Variants in RSRC1 observed in about 807,000 individuals in gnomAD.
RSRC1 encodes the protein arginine and serine rich coiled-coil 1.
Under a neutral mutation model 49.1 loss-of-function variants are expected in RSRC1, and 39 were observed. That is an observed-to-expected ratio of 0.79 (90% CI 0.61 to 1.04). The LOEUF is 1.04. Among genes scored for constraint, RSRC1 ranks in the 50% least tolerant of loss-of-function variants. The probability of loss-of-function intolerance (pLI) is 0.00; values close to 1 mark genes in which losing one functional copy is unlikely to be tolerated. For missense variants in RSRC1, 388 were observed against 402.4 expected, an observed-to-expected ratio of 0.96 and a Z score of 0.31; for synonymous variants, 143 against 130.8, an observed-to-expected ratio of 1.09 and a Z score of -0.63.
At chr3:158,516,777 G>T (rs375017419) in intron 7 of RSRC1, among the ~76,000 whole-genome samples, 20 of 152,364 alleles carry the variant, frequency 1.3e-4, no homozygotes, top group South Asian at 4.1e-4. Flanking sequence ...CTCCGAGCCA[G>T]GTGCGGGATA....
At chr3:158,436,022 T>G (rs1198427512) in intron 6 of RSRC1, among the ~76,000 whole-genome samples, 1 of 151,932 alleles carries the variant, frequency 6.6e-6, no homozygotes, top group East Asian at 1.9e-4. Flanking sequence ...TCTAAAACAT[T>G]TAAGTAACAT....
chr3:158,422,520 A>G (rs1413530356), intron 6 of RSRC1, among the ~76,000 whole-genome samples: 18 of 151,012 alleles, frequency 1.2e-4, no homozygotes, highest in African/African-American at 3.9e-4. Context: ...ATTGTGAATA[A>G]TGCTGCAATA....
At chr3:158,197,452 G>C (rs923095663) in intron 3 of RSRC1, among the ~76,000 whole-genome samples, 16 of 152,120 alleles carry the variant, frequency 1.1e-4, no homozygotes, top group African/African-American at 3.9e-4. Context: ...CACAAAAGCA[G>C]CTCCTGATTT....
chr3:158,125,326 CTT>C (rs1338531967), intron 3 of RSRC1, among the ~76,000 whole-genome samples: 3 of 151,520 alleles, frequency 2.0e-5, no homozygotes, highest in East Asian at 1.9e-4. Context: ...TGATATGAGA[CTT>C]TTCTTTTTTT....
At chr3:158,276,794 CT>C (rs1725843926) in intron 4 of RSRC1, among the ~76,000 whole-genome samples, 1 of 152,078 alleles carries the variant, frequency 6.6e-6, no homozygotes, top group East Asian at 1.9e-4. Flanking sequence ...TAACTTATAT[CT>C]GTCATTTGGA....
intron 4 of RSRC1, among the ~76,000 whole-genome samples, chr3:158,283,915 A>G (rs1726336501): frequency 6.6e-6 from 1 of 151,086 alleles, no homozygotes; most frequent in Non-Finnish European, 1.5e-5. Flanking sequence ...TTATACTCTA[A>G]GTTCTAGGGT....
rs1008708435 is a variant in RSRC1, at chr3:158,515,861, G to A, written c.653-21231G>A. Among the ~76,000 whole-genome samples the A allele has an allele frequency of 9.2e-4, 139 of 151,750 alleles. 1 individual carries two copies. Among genetic ancestry groups the A allele is most frequent in the South Asian group, 1.0e-3 (5 of 4,790 alleles). On this transcript the variant is annotated intron_variant, in intron 7 of 9. Coordinates refer to ENST00000611884, the MANE Select transcript of RSRC1 (RefSeq NM_001271838.2). The stretch of plus-strand genomic sequence containing the variant: ...CATTTCATTCATTTCATCTTCCATC[G>A]CTGATACCCTTTCTTCCAGTTGATC...
intron 6 of RSRC1, among the ~76,000 whole-genome samples, chr3:158,384,026 AT>A (rs1206230674): frequency 1.3e-5 from 2 of 152,082 alleles, no homozygotes; most frequent in African/African-American, 4.8e-5. Flanking sequence ...TTTAGAAAAG[AT>A]TTATGACTAG....
intron 6 of RSRC1, among the ~76,000 whole-genome samples, chr3:158,404,237 T>C (rs1388881340): frequency 6.6e-6 from 1 of 151,898 alleles, no homozygotes; most frequent in Non-Finnish European, 1.5e-5. Context: ...TGTGAAGTAC[T>C]TTGAATTTGA....
chr3:158,231,885 A>G (rs1163641066), intron 4 of RSRC1, among the ~76,000 whole-genome samples: 1 of 152,174 alleles, frequency 6.6e-6, no homozygotes, highest in Non-Finnish European at 1.5e-5. Context: ...AATTACTACT[A>G]ACTCTTCAAG....
At chr3:158,389,152 C>T (rs1252541882) in intron 6 of RSRC1, among the ~76,000 whole-genome samples, 1 of 152,100 alleles carries the variant, frequency 6.6e-6, no homozygotes, top group African/African-American at 2.4e-5. Flanking sequence ...TATAATTAAC[C>T]CAGACGTTTT....
At chr3:158,382,058 A>G (rs1047012073) in intron 6 of RSRC1, among the ~76,000 whole-genome samples, 8 of 152,202 alleles carry the variant, frequency 5.3e-5, no homozygotes, top group African/African-American at 1.9e-4. Context: ...AACACATTGA[A>G]CAGCCGTTAA....
chr3:158,453,154 G>C (rs1434194540), intron 6 of RSRC1, among the ~76,000 whole-genome samples: 2 of 151,656 alleles, frequency 1.3e-5, no homozygotes, highest in African/African-American at 4.8e-5. Context: ...TAGGTTGTTT[G>C]CTTTTTTGTC....
intron 3 of RSRC1, among the ~76,000 whole-genome samples, chr3:158,178,958 T>C (rs1719427390): frequency 6.6e-6 from 1 of 152,202 alleles, no homozygotes. Flanking sequence ...TTTGTGCAGA[T>C]AGATGCTATT....
chr3:158,490,379 G>A (rs947847475), intron 7 of RSRC1, among the ~76,000 whole-genome samples: 3 of 152,082 alleles, frequency 2.0e-5, no homozygotes, highest in Non-Finnish European at 2.9e-5. Flanking sequence ...CCACCACGCC[G>A]GGCCCCTTCA....
chr3:158,476,614 A>G (rs1738380252), intron 7 of RSRC1, among the ~76,000 whole-genome samples: 1 of 152,168 alleles, frequency 6.6e-6, no homozygotes, highest in Admixed American at 6.5e-5. Context: ...TGTTTATAGC[A>G]TGGTTTACAG....
At chr3:158,463,686 T>A (rs1164375116) in intron 7 of RSRC1, among the ~76,000 whole-genome samples, 2 of 152,122 alleles carry the variant, frequency 1.3e-5, no homozygotes, top group Non-Finnish European at 2.9e-5. Flanking sequence ...TGCAAATTCA[T>A]TCTATTATGC....
chr3:158,158,587 G>A (rs1280489413), intron 3 of RSRC1, among the ~76,000 whole-genome samples: 1 of 152,120 alleles, frequency 6.6e-6, no homozygotes, highest in Non-Finnish European at 1.5e-5. Flanking sequence ...CTCTGGAAAT[G>A]AGAAACAAAC....
At chr3:158,210,233 G>A (rs1367719988) in intron 4 of RSRC1, among the ~76,000 whole-genome samples, 4 of 152,080 alleles carry the variant, frequency 2.6e-5, no homozygotes, top group Non-Finnish European at 5.9e-5. Context: ...AAGCAGGGCT[G>A]TGTGATAGCT....
Sources: allele counts gnomAD v4.1 joint callset (sites outside exome capture counted in the v4.1 genomes callset), GRCh38; gene constraint gnomAD v4.1.1; transcripts MANE v1.5; gene names NCBI Gene and HGNC (gene_info 2026-07-23, HGNC 2026-07-21).